Variants in MAGI2 observed in about 807,000 individuals in gnomAD.
MAGI2 encodes the protein membrane-associated guanylate kinase, WW and PDZ domain-containing protein 2.
In MAGI2, 35 loss-of-function variants were observed where a neutral mutation model predicts 133.3. That is an observed-to-expected ratio of 0.26 (90% CI 0.20 to 0.35). The LOEUF is 0.35. Among genes scored for constraint, MAGI2 ranks in the 10% least tolerant of loss-of-function variants. The probability of loss-of-function intolerance (pLI) is 1.00; values close to 1 mark genes in which losing one functional copy is unlikely to be tolerated. For synonymous variants in MAGI2, 729 were observed against 710.6 expected, an observed-to-expected ratio of 1.03 and a Z score of -0.41; for missense variants, 1,636 against 1,863.4, an observed-to-expected ratio of 0.88 and a Z score of 2.25.
intron 1 of MAGI2, among the ~76,000 whole-genome samples, chr7:79,421,324 T>C (rs1159406172): frequency 6.6e-6 from 1 of 151,950 alleles, no homozygotes; most frequent in Non-Finnish European, 1.5e-5. Context: ...CAATGAGCTT[T>C]TAGTGTTACT....
chr7:78,989,523 T>C (rs1029447804), intron 2 of MAGI2, among the ~76,000 whole-genome samples: 2 of 151,998 alleles, frequency 1.3e-5, no homozygotes, highest in Admixed American at 6.6e-5. Flanking sequence ...GAATTTGAGA[T>C]TGTTCTCAGG....
At chr7:78,646,460 T>C (rs376433773) in intron 2 of MAGI2, among the ~76,000 whole-genome samples, 3 of 152,358 alleles carry the variant, frequency 2.0e-5, no homozygotes, top group African/African-American at 7.2e-5. Context: ...TATTCGACTA[T>C]GTAAATTTAG....
intron 21 of MAGI2, among the ~76,000 whole-genome samples, chr7:78,027,241 G>C (rs1343916566): frequency 6.6e-6 from 1 of 152,216 alleles, no homozygotes; most frequent in Non-Finnish European, 1.5e-5. Context: ...CAGGTCCATC[G>C]TTATTCCTAA....
rs186717232 is a variant in MAGI2 at position 79,133,939 on chromosome 7, C to T, written c.302-126733G>A. On this transcript the variant is annotated intron_variant, in intron 1 of 21. Transcript: ENST00000354212. ...TCACTTTTCAAAATACGTTGGAAAC[C>T]TTTGTCTTTATAGAGCCTCACAATT... 5.3e-5 allele frequency among the ~76,000 whole-genome samples: 8 copies of T among 152,246 alleles called. No individual in the cohort carries two copies. The East Asian group carries it at 1.5e-3, about 29-fold the overall frequency.
intron 2 of MAGI2, among the ~76,000 whole-genome samples, chr7:79,005,743 C>T (rs1341469442): frequency 2.0e-5 from 3 of 152,166 alleles, no homozygotes; most frequent in Non-Finnish European, 2.9e-5. Flanking sequence ...AATGCGTCCA[C>T]CCGTTACCTT....
intron 1 of MAGI2, among the ~76,000 whole-genome samples, chr7:79,166,055 A>C (rs1455039822): frequency 2.6e-5 from 4 of 152,050 alleles, no homozygotes; most frequent in African/African-American, 9.7e-5. Flanking sequence ...TTTTTGAAAT[A>C]TAATTATTAG....
intron 16 of MAGI2, among the ~76,000 whole-genome samples, chr7:78,135,776 G>C (rs1429759928): frequency 6.6e-6 from 1 of 152,156 alleles, no homozygotes; most frequent in African/African-American, 2.4e-5. Context: ...TGGTAAAGAA[G>C]TTATAACCAC....
At chr7:78,495,112 A>G (rs980027606) in intron 5 of MAGI2, among the ~76,000 whole-genome samples, 2 of 152,180 alleles carry the variant, frequency 1.3e-5, no homozygotes, top group South Asian at 4.1e-4. Context: ...CTTTACGTTT[A>G]CAAAACACTT....
chr7:78,369,337 C>T, intron 6 of MAGI2, 124 bp from the exon 7 acceptor site: 1 of 651,624 alleles, frequency 1.5e-6, no homozygotes, highest in Non-Finnish European at 2.6e-6. Flanking sequence ...CATTCAGAGT[C>T]AGCAGCAAAT....
intron 1 of MAGI2, among the ~76,000 whole-genome samples, chr7:79,435,980 C>T (rs1848114335): frequency 6.6e-6 from 1 of 152,046 alleles, no homozygotes; most frequent in Non-Finnish European, 1.5e-5. Flanking sequence ...CCTATACCAA[C>T]TGATCTTTAA....
intron 2 of MAGI2, 36 bp from the exon 3 acceptor site, chr7:78,627,275 T>C: frequency 6.7e-7 from 1 of 1,487,010 alleles, no homozygotes; most frequent in Admixed American, 2.4e-5. Flanking sequence ...AGAAAGACGC[T>C]AAGTGATTTG....
At chr7:78,295,132 T>C (rs1797102334) in intron 9 of MAGI2, among the ~76,000 whole-genome samples, 1 of 152,202 alleles carries the variant, frequency 6.6e-6, no homozygotes, top group Non-Finnish European at 1.5e-5. Context: ...GTACCTTTAA[T>C]ATTTACATAG....
chr7:78,331,798 G>A (rs750027636), intron 9 of MAGI2, among the ~76,000 whole-genome samples: 13 of 152,160 alleles, frequency 8.5e-5, no homozygotes, highest in Non-Finnish European at 1.6e-4. Flanking sequence ...CTCTCAGGCC[G>A]AGTAGAGGCC....
chr7:78,418,732 T>C (rs1157893934), intron 6 of MAGI2, among the ~76,000 whole-genome samples: 1 of 152,160 alleles, frequency 6.6e-6, no homozygotes, highest in Non-Finnish European at 1.5e-5. Context: ...AAAGTCAGTT[T>C]CAGTCTCATC....
intron 1 of MAGI2, among the ~76,000 whole-genome samples, chr7:79,023,026 A>T (rs1003958324): frequency 6.6e-6 from 1 of 152,208 alleles, no homozygotes; most frequent in South Asian, 2.1e-4. Flanking sequence ...TAGCAGAGAC[A>T]CAACAAAAAA....
At chr7:79,108,937 C>A (rs1244953135) in intron 1 of MAGI2, among the ~76,000 whole-genome samples, 1 of 152,170 alleles carries the variant, frequency 6.6e-6, no homozygotes, top group Non-Finnish European at 1.5e-5. Flanking sequence ...ATGTGACATG[C>A]TGGCTCCCTC....
rs146341595 is a variant in MAGI2, at chr7:79,266,995, A to G, written c.301+186025T>C. On this transcript the variant is annotated intron_variant, in intron 1 of 21. Coordinates refer to ENST00000354212, the MANE Select transcript of MAGI2 (RefSeq NM_012301.4). ...ACAGACTTCAGATAAGGGGGAACTG[A>G]GGACTGAACTTTGATCATCTTTGTT... Among the ~76,000 whole-genome samples, 105 of 152,286 alleles carry G rather than the reference A, an allele frequency of 6.9e-4. No individual in the cohort carries two copies. The East Asian group carries it at 0.012, about 17-fold the overall frequency.
intron 1 of MAGI2, among the ~76,000 whole-genome samples, chr7:79,350,029 A>T (rs1439806703): frequency 2.6e-5 from 4 of 152,074 alleles, no homozygotes; most frequent in Admixed American, 1.3e-4. Flanking sequence ...TTCTTTCCTA[A>T]TGTTTAAGTA....
chr7:79,002,408 T>C (rs928916461), intron 2 of MAGI2, among the ~76,000 whole-genome samples: 1 of 152,034 alleles, frequency 6.6e-6, no homozygotes, highest in Non-Finnish European at 1.5e-5. Context: ...CTTAGGAACT[T>C]ACTGTGGAAA....
Sources: allele counts gnomAD v4.1 joint callset (sites outside exome capture counted in the v4.1 genomes callset), GRCh38; gene constraint gnomAD v4.1.1; transcripts MANE v1.5; gene names NCBI Gene and HGNC (gene_info 2026-07-23, HGNC 2026-07-21).